Variants in CENPN observed in about 807,000 individuals in gnomAD.
CENPN encodes centromere protein N.
In CENPN, 36 loss-of-function variants were observed where a neutral mutation model predicts 48.6. The observed-to-expected ratio is 0.74, with a 90% CI of 0.57 to 0.98. The LOEUF is 0.98. Ranked by LOEUF, CENPN falls within the 50% of genes least tolerant of loss-of-function variation. CENPN has a pLI of 0.00. For missense variants in CENPN, 439 were observed against 399.2 expected (o/e 1.10, Z -0.85); for synonymous variants, 166 against 135.2 (o/e 1.23, Z -1.58).
chr16:81,022,034 C>T (rs1217277876), intron 6 of CENPN, among the ~76,000 whole-genome samples: 1 of 152,240 alleles, frequency 6.6e-6, no homozygotes, highest in Non-Finnish European at 1.5e-5. Flanking sequence ...GCTGGGATTA[C>T]AGCCGTGAGC....
At chr16:81,008,764 G>A (rs529783811) in intron 1 of CENPN, among the ~76,000 whole-genome samples, 1 of 152,210 alleles carries the variant, frequency 6.6e-6, no homozygotes, top group Non-Finnish European at 1.5e-5. Flanking sequence ...ACATTAGACT[G>A]TTCTTGGCCT....
At position 81,030,405 on chromosome 16, in the gene CENPN, G is replaced by C. The variant is rs372649385; in HGVS notation, c.*1754G>C. 1.3e-5 allele frequency: 13 copies of C among 984,178 alleles called. No individual in the cohort carries two copies. In the East Asian group the frequency reaches 1.4e-3, roughly 103 times the overall value. The allele number at this position is 984,178 out of a possible 1,614,324, so 61.0% of individuals were successfully genotyped here. A position where few individuals can be genotyped will look rare whatever the true frequency, so the allele number is the denominator to read the frequency against. On this transcript the variant is annotated 3_prime_UTR_variant, in exon 11 of 11. Coordinates refer to ENST00000305850, the MANE Select transcript of CENPN (RefSeq NM_001100624.3). Reference sequence around the variant, plus strand: ...CTTCTGATACCAGATATGTGGGGGAGGGGGTTTCCCCCACACATTAAGCAA... The same window carrying C: ...CTTCTGATACCAGATATGTGGGGGACGGGGTTTCCCCCACACATTAAGCAA...
intron 1 of CENPN, among the ~76,000 whole-genome samples, 157 bp from the exon 2 acceptor site, chr16:81,011,773 C>T (rs1461304813): frequency 3.9e-5 from 6 of 152,122 alleles, no homozygotes; most frequent in East Asian, 1.9e-4. Flanking sequence ...CAGGTTGAGG[C>T]GGGTGGATTG....
At chr16:81,022,805 A>G (rs1970277592) in intron 7 of CENPN, 107 bp downstream of exon 7, 4 of 1,613,514 alleles carry the variant, frequency 2.5e-6, no homozygotes, top group Non-Finnish European at 3.4e-6. Context: ...AGATCATTTT[A>G]GATATTACCG....
intron 3 of CENPN, chr16:81,016,743 C>G (rs1969948856): frequency 6.6e-6 from 1 of 152,582 alleles, no homozygotes; most frequent in Non-Finnish European, 1.5e-5. Flanking sequence ...GCCTGGGCAA[C>G]AAGGGTGAAA....
At chr16:81,011,864 T>C in intron 1 of CENPN, 66 bp from the exon 2 acceptor site, 1 of 1,340,890 alleles carries the variant, frequency 7.5e-7, no homozygotes, top group Admixed American at 1.8e-5. Context: ...TGTGTATGTG[T>C]AAATAAAGAC....
intron 3 of CENPN, among the ~76,000 whole-genome samples, chr16:81,015,031 T>A (rs1175516195): frequency 6.6e-6 from 1 of 152,226 alleles, no homozygotes; most frequent in Admixed American, 6.5e-5. Flanking sequence ...CTAAGATATA[T>A]GAAGGTTAGG....
In CENPN at chr16:81,028,961, CT is replaced by C. The variant is rs1970643572; in HGVS notation, c.*314del. 1.9e-6 allele frequency: 2 copies of C among 1,031,390 alleles called. No homozygotes were observed. The highest frequency in any genetic ancestry group is 1.7e-5 in the African/African-American group (1 of 58,808). 63.9% of individuals were successfully genotyped at this position (1,031,390 alleles called of 1,614,324 possible). A position where few individuals can be genotyped will look rare whatever the true frequency, so the allele number is the denominator to read the frequency against. ...CAAGCATATGGCACAGCGCTCAAGA[CT>C]TTTGGGTTTGTGTCCTTTTTTCTAT... On this transcript the variant is annotated 3_prime_UTR_variant, in exon 11 of 11. Transcript: ENST00000305850.
intron 2 of CENPN, among the ~76,000 whole-genome samples, chr16:81,013,794 G>A (rs1969836495): frequency 6.6e-6 from 1 of 152,036 alleles, no homozygotes; most frequent in African/African-American, 2.4e-5. Context: ...GATTGTGGTA[G>A]TGGTTTTGTG....
intron 8 of CENPN, among the ~76,000 whole-genome samples, chr16:81,026,141 A>ATATATATATATGTGTATATATATG (rs1567555403): frequency 1.4e-5 from 2 of 144,522 alleles, no homozygotes; most frequent in Admixed American, 1.4e-4. Context: ...GTATATATAT[A>ATATATATATATGTGTATATATATG]TGTATATATA....
At chr16:81,018,100 G>A (rs1024386368) in intron 5 of CENPN, among the ~76,000 whole-genome samples, 10 of 152,072 alleles carry the variant, frequency 6.6e-5, no homozygotes, top group African/African-American at 2.4e-4. Context: ...CTCTGTATTG[G>A]CACTGTTCAG....
At position 81,028,719 on chromosome 16, in the gene CENPN, A is replaced by G. The variant is rs1028892021; in HGVS notation, c.*68A>G. The G allele has an allele frequency of 1.5e-5, 23 of 1,555,890 alleles. No individual in the cohort carries two copies. Among genetic ancestry groups the G allele is most frequent in the African/African-American group, 2.8e-5 (2 of 71,630 alleles). ...TGCACATGCACTTCAGTTCATGGCT[A>G]GCTGTATAGCTTCCGTCTGTAAACT... On this transcript the variant is annotated 3_prime_UTR_variant, in exon 11 of 11. Transcript: ENST00000305850.
chr16:81,019,890 G>A (rs1332292278), intron 5 of CENPN, among the ~76,000 whole-genome samples: 4 of 141,946 alleles, frequency 2.8e-5, no homozygotes, highest in Non-Finnish European at 6.2e-5. Flanking sequence ...AAAAAAAAAA[G>A]AACTGAAAAG....
At chr16:81,012,743 G>A (rs753382742) in intron 2 of CENPN, among the ~76,000 whole-genome samples, 1 of 151,992 alleles carries the variant, frequency 6.6e-6, no homozygotes, top group Non-Finnish European at 1.5e-5. Flanking sequence ...CTACAGGCAC[G>A]CACCACCACA....
At position 81,029,059 on chromosome 16, in the gene CENPN, G is replaced by C; in HGVS notation, c.*408G>C. The C allele has an allele frequency of 1.0e-6, 1 of 987,754 alleles. No homozygotes were observed. The highest frequency in any genetic ancestry group is 4.7e-5 in the South Asian group (1 of 21,388). 61.2% of individuals were successfully genotyped at this position (987,754 alleles called of 1,614,324 possible). A position where few individuals can be genotyped will look rare whatever the true frequency, so the allele number is the denominator to read the frequency against. On this transcript the variant is annotated 3_prime_UTR_variant, in exon 11 of 11. Transcript: ENST00000305850. Reference sequence around the variant, plus strand: ...TTCCAGGGATTGATTCTTAAGCTCTGGATCACAGAGAGAAGCAACAAGGAA... The same window carrying C: ...TTCCAGGGATTGATTCTTAAGCTCTCGATCACAGAGAGAAGCAACAAGGAA...
intron 6 of CENPN, 25 bp from the exon 7 acceptor site, chr16:81,022,572 T>C: frequency 6.3e-7 from 1 of 1,589,030 alleles, no homozygotes; most frequent in East Asian, 2.2e-5. Context: ...ATCCTAGTAA[T>C]AGTCTTGCAA....
chr16:81,020,135 A>T lies in CENPN; in HGVS notation c.390A>T (p.Ala130=), dbSNP rs777227540. The T allele has an allele frequency of 6.8e-6, 11 of 1,613,182 alleles. No individual in the cohort carries two copies. In the South Asian group the frequency reaches 1.1e-4, roughly 16 times the overall value. ...TVSFRETEEN[A]VWIRIAWGTQ... ...GCTTCAGAGAAACTGAGGAGAATGC[A>T]GTCTGGATTCGAATTGCCTGGGGAA... The change falls in exon 6 of 11, where the codon GCA becomes GCT. Residue 130 remains alanine (A), a synonymous_variant. Coordinates refer to ENST00000305850, the MANE Select transcript of CENPN (RefSeq NM_001100624.3).
chr16:81,032,554 GTTTTTT>G (rs35840091), downstream of CENPN: 1 of 1,286,848 alleles, frequency 7.8e-7, no homozygotes, highest in East Asian at 2.6e-5. Flanking sequence ...GATTTTCAGT[GTTTTTT>G]TTTTTTTAGC....
intron 9 of CENPN, 78 bp downstream of exon 9, chr16:81,026,716 A>G (rs961818304): frequency 1.5e-5 from 10 of 648,120 alleles, no homozygotes; most frequent in Non-Finnish European, 2.1e-5. Flanking sequence ...TGGAAAACAG[A>G]TCTAAGAAAC....
Sources: allele counts gnomAD v4.1 joint callset (sites outside exome capture counted in the v4.1 genomes callset), GRCh38; gene constraint gnomAD v4.1.1; transcripts MANE v1.5; gene names NCBI Gene and HGNC (gene_info 2026-07-23, HGNC 2026-07-21).